The following PITPNM3 variants were observed in gnomAD, a reference collection of about 807,000 sequenced individuals.
The protein encoded by PITPNM3 is PITPNM family member 3.
A neutral mutation model predicts 102.0 loss-of-function variants in PITPNM3; 26 were observed. The ratio of observed to expected loss-of-function variants is 0.25; its 90% CI spans 0.19 to 0.35. The LOEUF (loss-of-function observed/expected upper bound fraction) is 0.35. Among genes scored for constraint, PITPNM3 ranks in the 10% least tolerant of loss-of-function variants. The pLI, the probability that PITPNM3 is intolerant of heterozygous loss-of-function variation, is 1.00. For synonymous variants in PITPNM3, 578 were observed against 558.6 expected, an observed-to-expected ratio of 1.03 and a Z score of -0.49; for missense variants, 1,083 against 1,346.1, an observed-to-expected ratio of 0.80 and a Z score of 3.06.
intron 4 of PITPNM3, among the ~76,000 whole-genome samples, chr17:6,496,306 C>T (rs906564717): frequency 1.3e-5 from 2 of 152,160 alleles, no homozygotes; most frequent in Non-Finnish European, 2.9e-5. Context: ...CCTCTCCAGG[C>T]TTCTCTTATC....
chr17:6,538,599 T>C (rs1195191146), intron 1 of PITPNM3, among the ~76,000 whole-genome samples: 1 of 152,168 alleles, frequency 6.6e-6, no homozygotes, highest in Non-Finnish European at 1.5e-5. Flanking sequence ...CTTAAATGCT[T>C]CTGCCCAGAA....
intron 14 of PITPNM3, 46 bp from the exon 15 acceptor site, chr17:6,464,817 C>T (rs752842251): frequency 9.5e-6 from 15 of 1,585,174 alleles, no homozygotes; most frequent in Non-Finnish European, 1.3e-5. Context: ...AAGGGAGGCT[C>T]AACCTTGCTT....
intron 3 of PITPNM3, among the ~76,000 whole-genome samples, chr17:6,506,024 C>T (rs1191716385): frequency 1.3e-5 from 2 of 152,042 alleles, no homozygotes; most frequent in African/African-American, 2.4e-5. Context: ...CAAGGCAAAG[C>T]GGGGGTGTGA....
rs1156545135 is a variant in PITPNM3 at position 6,511,312 on chromosome 17, T to C, written c.227-7738A>G. The stretch of plus-strand genomic sequence containing the variant: ...GTGTCGTGGTAGGATTGGATAAAGA[T>C]GGTAAACTGACTACACGATCTAGTC... On this transcript the variant is annotated intron_variant, in intron 3 of 19. Transcript: ENST00000262483. Among the ~76,000 whole-genome samples, 4 of 152,322 alleles carry C rather than the reference T, an allele frequency of 2.6e-5. No homozygotes were observed. The East Asian group carries it at 7.7e-4, about 29-fold the overall frequency.
chr17:6,471,076 C>A, intron 12 of PITPNM3, 85 bp downstream of exon 12: 3 of 1,497,796 alleles, frequency 2.0e-6, no homozygotes, highest in Admixed American at 3.7e-5. Context: ...CTGCCCTCAG[C>A]AGCTCTAGCA....
chr17:6,472,895 C>A lies in PITPNM3; in HGVS notation c.1259-68G>T. The A allele has an allele frequency of 6.4e-7, 1 of 1,572,106 alleles. No individual in the cohort carries two copies. Among genetic ancestry groups the A allele is most frequent in the Non-Finnish European group, 8.7e-7 (1 of 1,151,292 alleles). ...CTGCTCCCTGGGCCCTAGGAGGCTC[C>A]CTGGAATGCAGCCTGGAGTAGCCTA... On this transcript the variant is annotated intron_variant, in intron 10 of 19. Coordinates refer to ENST00000262483, the MANE Select transcript of PITPNM3 (RefSeq NM_031220.4). This position sits in a 1 kb window ranked among gnomAD's most constrained non-coding sequence, Gnocchi z 4.1.
intron 1 of PITPNM3, among the ~76,000 whole-genome samples, chr17:6,551,725 T>C (rs1488222679): frequency 4.0e-5 from 6 of 151,894 alleles, no homozygotes; most frequent in Admixed American, 3.9e-4. Context: ...AAAAAAAAAG[T>C]ATTAAAAAAA....
At chr17:6,490,207 C>A (rs1906372367) in intron 4 of PITPNM3, among the ~76,000 whole-genome samples, 1 of 152,044 alleles carries the variant, frequency 6.6e-6, no homozygotes, top group Non-Finnish European at 1.5e-5. Flanking sequence ...CCCAGGTGAG[C>A]CCGCATGACA....
Position 6,469,789 on chromosome 17 carries a change from T to C in PITPNM3, c.1773+471A>G, listed in dbSNP as rs529537773. 6.6e-6 allele frequency among the ~76,000 whole-genome samples: 1 copy of C among 152,296 alleles called. No homozygotes were observed. Among genetic ancestry groups the C allele is most frequent in the East Asian group, 1.9e-4 (1 of 5,178 alleles). On this transcript the variant is annotated intron_variant, in intron 13 of 19. Coordinates refer to ENST00000262483, the MANE Select transcript of PITPNM3 (RefSeq NM_031220.4). This position sits in a 1 kb window ranked among gnomAD's most constrained non-coding sequence, Gnocchi z 4.0. The stretch of plus-strand genomic sequence containing the variant: ...CTCACAGCCCTGCAATGGCTTCCCG[T>C]TGAACCCAATATAAAACCATACCCC...
intron 10 of PITPNM3, 128 bp downstream of exon 10, chr17:6,474,304 T>TCCA: frequency 7.6e-7 from 1 of 1,309,774 alleles, no homozygotes; most frequent in Non-Finnish European, 1.1e-6. Flanking sequence ...CTCCTCTCTT[T>TCCA]CCACCTATCC....
intron 4 of PITPNM3, among the ~76,000 whole-genome samples, chr17:6,489,028 T>C (rs1202056592): frequency 1.3e-5 from 2 of 152,182 alleles, no homozygotes; most frequent in Admixed American, 1.3e-4. Context: ...CAGCTCACCA[T>C]GGCTGCTCTT....
chr17:6,531,514 C>T (rs1205879188), intron 2 of PITPNM3, among the ~76,000 whole-genome samples: 3 of 152,178 alleles, frequency 2.0e-5, no homozygotes, highest in Admixed American at 6.5e-5. Context: ...CAATCTTCAT[C>T]CCTCACAATA....
At chr17:6,473,792 C>T (rs993104676) in intron 10 of PITPNM3, among the ~76,000 whole-genome samples, 2 of 152,078 alleles carry the variant, frequency 1.3e-5, no homozygotes, top group Non-Finnish European at 2.9e-5. Context: ...GCCTGGCCAA[C>T]ATGGTGAAAC....
chr17:6,457,619 G>A lies in PITPNM3; in HGVS notation c.2594C>T (p.Thr865Ile), dbSNP rs774360219. ...CTGGCACTGGGTTTGGTACTTCTTG[G>A]TGGGCCGGCCCACAATGAAGATCTG... ...ASQIFIVGRP[T>I]KKYQTQCQFL... The change falls in exon 19 of 20, where the codon ACC becomes ATC. Residue 865 changes from threonine to isoleucine, a missense_variant. This residue lies in a region of PITPNM3 where 208 missense variants were observed against 178.2 expected (regional missense o/e 1.17). Transcript: ENST00000262483. This position sits in a 1 kb window ranked among gnomAD's most constrained non-coding sequence, Gnocchi z 4.7. The A allele has an allele frequency of 2.0e-5, 32 of 1,611,326 alleles. No individual in the cohort carries two copies. The highest frequency in any genetic ancestry group is 2.7e-5 in the Non-Finnish European group (32 of 1,179,112).
At chr17:6,501,295 T>C (rs1173684815) in intron 4 of PITPNM3, among the ~76,000 whole-genome samples, 2 of 152,212 alleles carry the variant, frequency 1.3e-5, no homozygotes, top group East Asian at 3.8e-4. Flanking sequence ...TATTTTATAA[T>C]GTTTTGACAT....
chr17:6,532,470 C>A (rs1485200796), intron 2 of PITPNM3, among the ~76,000 whole-genome samples: 1 of 152,104 alleles, frequency 6.6e-6, no homozygotes, highest in Non-Finnish European at 1.5e-5. Context: ...GAAGTTCTCT[C>A]CTGCCCCTAT....
intron 3 of PITPNM3, among the ~76,000 whole-genome samples, chr17:6,511,197 G>A (rs1209249139): frequency 6.6e-6 from 1 of 152,214 alleles, no homozygotes; most frequent in Admixed American, 6.5e-5. Flanking sequence ...TCGGTGCCAG[G>A]TTGGGGGATC....
At chr17:6,525,616 T>C (rs1387137251) in intron 2 of PITPNM3, among the ~76,000 whole-genome samples, 153 bp from the exon 3 acceptor site, 1 of 152,210 alleles carries the variant, frequency 6.6e-6, no homozygotes, top group Admixed American at 6.5e-5. Flanking sequence ...AGCTAGACAG[T>C]TACAAGACTT....
chr17:6,454,584 C>T lies in PITPNM3; in HGVS notation c.*754G>A, dbSNP rs936241260. The T allele has an allele frequency of 6.6e-6, 1 of 152,306 alleles. No individual in the cohort carries two copies. Among genetic ancestry groups the T allele is most frequent in the African/African-American group, 2.4e-5 (1 of 41,472 alleles). 9.4% of individuals were successfully genotyped at this position (152,306 alleles called of 1,614,324 possible). ...ACCAGCTCAGGGGCTCACAGCCAGC[C>T]CAGCTGAGCCAGAGCCCAAGGCTGC... On this transcript the variant is annotated 3_prime_UTR_variant, in exon 20 of 20. Coordinates refer to ENST00000262483, the MANE Select transcript of PITPNM3 (RefSeq NM_031220.4).
Sources: gnomAD v4.1 joint callset for allele counts (sites outside exome capture counted in the v4.1 genomes callset) on GRCh38, gnomAD v4.1.1 for gene constraint, gnomAD v4.1.1 regional missense constraint, Gnocchi (gnomAD v3.1) non-coding constraint, MANE v1.5 for transcripts, NCBI Gene and HGNC (gene_info 2026-07-23, HGNC 2026-07-21) for gene names.